The following DCC variants were observed in gnomAD, a reference collection of about 807,000 sequenced individuals.
DCC encodes the protein netrin receptor DCC.
Under a neutral mutation model 172.5 loss-of-function variants are expected in DCC, and 58 were observed. The observed-to-expected ratio is 0.34, with a 90% CI of 0.27 to 0.42. The LOEUF is 0.42. Ranked by LOEUF, DCC falls within the 10% of genes least tolerant of loss-of-function variation. DCC has a pLI of 1.00. For missense variants in DCC, 1,740 were observed against 1,791.0 expected, an observed-to-expected ratio of 0.97 and a Z score of 0.51; for synonymous variants, 709 against 644.5, an observed-to-expected ratio of 1.10 and a Z score of -1.52.
chr18:53,029,656 C>T (rs2042001467), intron 5 of DCC, among the ~76,000 whole-genome samples: 1 of 151,976 alleles, frequency 6.6e-6, no homozygotes, highest in South Asian at 2.1e-4. Flanking sequence ...CTCAGAGGTG[C>T]ATCATATATC....
rs2032139542 is a variant in DCC at position 52,531,206 on chromosome 18, A to G, written c.91+190328A>G. Among the ~76,000 whole-genome samples the G allele has an allele frequency of 3.3e-5, 5 of 152,312 alleles. 1 individual carries two copies. The South Asian group carries it at 1.0e-3, about 32-fold the overall frequency. On this transcript the variant is annotated intron_variant, in intron 1 of 28. Transcript: ENST00000442544. ...TTTGAACTGATGAGTCAAGCAAGCTACCTGGTGTATTATCAGTTCCTTCAA... is the reference window on the plus strand; with the variant it reads ...TTTGAACTGATGAGTCAAGCAAGCTGCCTGGTGTATTATCAGTTCCTTCAA...
chr18:53,076,566 C>CT (rs1189232484), intron 7 of DCC, among the ~76,000 whole-genome samples: 2 of 152,082 alleles, frequency 1.3e-5, no homozygotes, highest in African/African-American at 4.8e-5. Context: ...GCCTATACCT[C>CT]TTTTTCTGTA....
intron 5 of DCC, among the ~76,000 whole-genome samples, chr18:53,010,365 A>G (rs1447621483): frequency 6.6e-6 from 1 of 151,786 alleles, no homozygotes; most frequent in African/African-American, 2.4e-5. Context: ...GTCATTAGTC[A>G]AGATAATTAA....
In DCC at chr18:53,486,405, C is replaced by T. The variant is rs555205293; in HGVS notation, c.3737-392C>T. Among the ~76,000 whole-genome samples, 4 of 152,264 alleles carry T rather than the reference C, an allele frequency of 2.6e-5. No individual in the cohort carries two copies. In the East Asian group the frequency reaches 7.7e-4, roughly 29 times the overall value. ...AAATTCCCAACATTTTTTCAACCCA[C>T]TCTACACAATATATTTGATTTGTGA... On this transcript the variant is annotated intron_variant, in intron 25 of 28. Coordinates refer to ENST00000442544, the MANE Select transcript of DCC (RefSeq NM_005215.4).
chr18:52,709,310 AGACT>A (rs1232869468), intron 1 of DCC, among the ~76,000 whole-genome samples: 16 of 152,246 alleles, frequency 1.1e-4, no homozygotes, highest in African/African-American at 3.9e-4. Flanking sequence ...TAGTCTAGAA[AGACT>A]GACTGTCTAA....
chr18:52,779,444 A>G (rs925458858), intron 2 of DCC, among the ~76,000 whole-genome samples: 5 of 140,686 alleles, frequency 3.6e-5, no homozygotes, highest in African/African-American at 1.3e-4. Flanking sequence ...TGAGAATGAT[A>G]GTTTCCAACT....
At chr18:53,099,045 G>A (rs1217839421) in intron 7 of DCC, among the ~76,000 whole-genome samples, 1 of 152,024 alleles carries the variant, frequency 6.6e-6, no homozygotes. Context: ...TTTGTATTCT[G>A]TAGAGAGGTA....
intron 2 of DCC, among the ~76,000 whole-genome samples, chr18:52,774,193 G>A (rs2037389197): frequency 6.6e-6 from 1 of 152,184 alleles, no homozygotes; most frequent in South Asian, 2.1e-4. Flanking sequence ...CTTTATTCCA[G>A]ATCTGTTGAA....
At chr18:53,496,199 T>C (rs1412929772) in intron 26 of DCC, among the ~76,000 whole-genome samples, 2 of 152,150 alleles carry the variant, frequency 1.3e-5, no homozygotes, top group Admixed American at 6.5e-5. Flanking sequence ...AGACACCTCA[T>C]ATAGGCAAGC....
intron 2 of DCC, among the ~76,000 whole-genome samples, chr18:52,798,748 G>C (rs919132278): frequency 1.2e-5 from 1 of 85,016 alleles, no homozygotes. Context: ...TTCGTATGAA[G>C]TTTTGTATCT....
intron 1 of DCC, among the ~76,000 whole-genome samples, chr18:52,548,606 T>C (rs925959529): frequency 6.6e-6 from 1 of 152,076 alleles, no homozygotes; most frequent in Non-Finnish European, 1.5e-5. Flanking sequence ...GCAGATAAGC[T>C]AAGTAAGTGG....
chr18:53,480,052 C>T, intron 25 of DCC, among the ~76,000 whole-genome samples: 1 of 152,142 alleles, frequency 6.6e-6, no homozygotes, highest in East Asian at 1.9e-4. Flanking sequence ...TTCCTATGGC[C>T]TCATCTTCTG....
At chr18:52,825,742 C>T (rs1003737153) in intron 2 of DCC, among the ~76,000 whole-genome samples, 2 of 150,978 alleles carry the variant, frequency 1.3e-5, no homozygotes, top group African/African-American at 4.9e-5. Flanking sequence ...TCAAACTGTT[C>T]TGCTGCTCTA....
At chr18:52,569,947 A>G (rs947674817) in intron 1 of DCC, among the ~76,000 whole-genome samples, 1 of 152,186 alleles carries the variant, frequency 6.6e-6, no homozygotes, top group African/African-American at 2.4e-5. Context: ...TTATAATCTT[A>G]AAGTCGTAGT....
At position 53,066,135 on chromosome 18, in the gene DCC, G is replaced by T; in HGVS notation, c.1230G>T (p.Gln410His). 2 of 1,613,316 alleles carry T rather than the reference G, an allele frequency of 1.2e-6. No individual in the cohort carries two copies. Among genetic ancestry groups the T allele is most frequent in the Non-Finnish European group, 1.7e-6 (2 of 1,179,556 alleles). ...CVAENEAGNA[Q>H]TSAQLIVPKP... ...CTGAAAATGAGGCTGGAAATGCCCA[G>T]ACCAGTGCACAGCTCATTGTCCCTA... is the stretch of plus-strand genomic sequence containing the variant. The change falls in exon 7 of 29, where the codon CAG becomes CAT. Residue 410 changes from glutamine (Q) to histidine (H), a missense_variant. Coordinates refer to ENST00000442544, the MANE Select transcript of DCC (RefSeq NM_005215.4).
intron 7 of DCC, among the ~76,000 whole-genome samples, chr18:53,149,409 GA>G (rs1413428781): frequency 6.6e-6 from 1 of 152,180 alleles, no homozygotes; most frequent in African/African-American, 2.4e-5. Context: ...AAGGCCCAGA[GA>G]GGCTAAATAC....
intron 1 of DCC, among the ~76,000 whole-genome samples, chr18:52,699,799 A>C (rs1396272629): frequency 6.6e-6 from 1 of 152,168 alleles, no homozygotes; most frequent in Non-Finnish European, 1.5e-5. Context: ...AGCAGACATG[A>C]ACTCTAGTCC....
chr18:52,514,056 A>G (rs891052218), intron 1 of DCC, among the ~76,000 whole-genome samples: 1 of 152,170 alleles, frequency 6.6e-6, no homozygotes, highest in African/African-American at 2.4e-5. Context: ...TAATCTATTA[A>G]AGAAATTTTT....
chr18:52,351,193 G>T (rs1324434844), intron 1 of DCC, among the ~76,000 whole-genome samples: 2 of 152,096 alleles, frequency 1.3e-5, no homozygotes, highest in African/African-American at 4.8e-5. Context: ...AAGGCCCCAT[G>T]GTGGGAGGAA....
Sources: allele counts gnomAD v4.1 joint callset (sites outside exome capture counted in the v4.1 genomes callset), GRCh38; gene constraint gnomAD v4.1.1; transcripts MANE v1.5; gene names NCBI Gene and HGNC (gene_info 2026-07-23, HGNC 2026-07-21).